The following SGK1 variants were observed in gnomAD, a reference collection of about 807,000 sequenced individuals.
SGK1 encodes the protein serum/glucocorticoid regulated kinase 1.
In SGK1, 26 loss-of-function variants were observed where a neutral mutation model predicts 64.2. That is an observed-to-expected ratio of 0.40 (90% CI 0.30 to 0.56). The LOEUF (loss-of-function observed/expected upper bound fraction) is 0.56, where lower values mean the gene tolerates loss of function less well. SGK1 is among the 20% of genes least tolerant of loss of function. The pLI, the probability that SGK1 is intolerant of heterozygous loss-of-function variation, is 0.38. For synonymous variants in SGK1, 265 were observed against 239.7 expected, an observed-to-expected ratio of 1.11 and a Z score of -0.98; for missense variants, 519 against 645.6, an observed-to-expected ratio of 0.80 and a Z score of 2.12.
intron 2 of SGK1, among the ~76,000 whole-genome samples, chr6:134,237,425 C>T (rs1403864308): frequency 6.6e-6 from 1 of 151,950 alleles, no homozygotes; most frequent in Non-Finnish European, 1.5e-5. Context: ...CCTGTAATCC[C>T]AGCACTTTGG....
At chr6:134,305,540 C>A (rs1378465917) in intron 1 of SGK1, among the ~76,000 whole-genome samples, 1 of 148,890 alleles carries the variant, frequency 6.7e-6, no homozygotes, top group Non-Finnish European at 1.5e-5. Flanking sequence ...ACCACTGCAC[C>A]CAAGTCTGGG....
chr6:134,232,097 A>G (rs1352259402), intron 2 of SGK1, among the ~76,000 whole-genome samples: 2 of 150,840 alleles, frequency 1.3e-5, no homozygotes, highest in Middle Eastern at 3.4e-3. Context: ...AATAAAAGAA[A>G]TCACGATAGA....
At chr6:134,297,484 T>G in intron 1 of SGK1, 1 of 612,596 alleles carries the variant, frequency 1.6e-6, no homozygotes, top group Admixed American at 2.0e-5. Flanking sequence ...AGCCAGCTGA[T>G]GTTCCGGTTC....
intron 1 of SGK1, among the ~76,000 whole-genome samples, chr6:134,293,076 G>A (rs1777290975): frequency 6.6e-6 from 1 of 152,210 alleles, no homozygotes; most frequent in Non-Finnish European, 1.5e-5. Context: ...AAGACACGAA[G>A]AGGGAGAGAA....
intron 2 of SGK1, among the ~76,000 whole-genome samples, chr6:134,248,681 G>A (rs1276546678): frequency 1.3e-5 from 2 of 151,858 alleles, no homozygotes; most frequent in Non-Finnish European, 2.9e-5. Context: ...CAAACTACCT[G>A]CCTCGGCCTT....
intron 3 of SGK1, chr6:134,177,677 T>G: frequency 1.2e-6 from 2 of 1,613,738 alleles, no homozygotes; most frequent in Admixed American, 3.3e-5. Context: ...CAAAGGGGGT[T>G]TTATAGCTTC....
intron 2 of SGK1, among the ~76,000 whole-genome samples, chr6:134,241,144 G>A (rs1404205139): frequency 1.4e-5 from 2 of 147,520 alleles, no homozygotes; most frequent in Non-Finnish European, 2.9e-5. Flanking sequence ...CAGACTCCCT[G>A]GCTCAAGCAA....
intron 2 of SGK1, among the ~76,000 whole-genome samples, chr6:134,232,967 A>C (rs1213478683): frequency 6.6e-6 from 1 of 150,806 alleles, no homozygotes. Context: ...CTATTTCTTC[A>C]ATTTTTAATA....
chr6:134,191,009 ATTAT>A (rs1268140184), intron 3 of SGK1, among the ~76,000 whole-genome samples: 3 of 152,188 alleles, frequency 2.0e-5, no homozygotes, highest in South Asian at 2.1e-4. Context: ...CTGCTTTCTG[ATTAT>A]TTGTCTCACA....
intron 2 of SGK1, chr6:134,215,126 CTTTCTTTCTTTT>C (rs1562253527): frequency 3.2e-6 from 1 of 317,130 alleles, no homozygotes; most frequent in Admixed American, 3.9e-5. Context: ...AGTTTTCTTT[CTTTCTTTCTTTT>C]TTTTTTTTTG....
chr6:134,232,401 AAAAGAAAGAAAGAG>A (rs1776293460), intron 2 of SGK1, among the ~76,000 whole-genome samples: 1 of 21,450 alleles, frequency 4.7e-5, no homozygotes, highest in South Asian at 5.1e-3. Flanking sequence ...AGAAAGAAGA[AAAAGAAAGAAAGAG>A]AAAGAAAGAA....
At chr6:134,250,922 T>A (rs1449092907) in intron 2 of SGK1, among the ~76,000 whole-genome samples, 1 of 152,036 alleles carries the variant, frequency 6.6e-6, no homozygotes, top group Non-Finnish European at 1.5e-5. Flanking sequence ...AGGTGTGCAC[T>A]ACTATACACG....
At chr6:134,266,068 C>G in intron 1 of SGK1, among the ~76,000 whole-genome samples, 1 of 152,058 alleles carries the variant, frequency 6.6e-6, no homozygotes, top group East Asian at 1.9e-4. Flanking sequence ...ACTGCAGCCT[C>G]CTCCTCCCTG....
intron 10 of SGK1, 109 bp downstream of exon 10, chr6:134,172,084 A>T: frequency 8.3e-7 from 1 of 1,208,306 alleles, no homozygotes; most frequent in Non-Finnish European, 1.2e-6. Flanking sequence ...GAACTGTATT[A>T]AGAAGTCTCT....
At chr6:134,171,279 G>A (rs1425726679) in intron 11 of SGK1, 101 bp from the exon 12 acceptor site, 4 of 1,127,416 alleles carry the variant, frequency 3.5e-6, no homozygotes, top group East Asian at 2.4e-5. Context: ...TATTAGGCTC[G>A]ATTTGAGAAA....
At position 134,317,734 on chromosome 6, in the gene SGK1, G is replaced by C; in HGVS notation, c.-274C>G. The C allele has an allele frequency of 2.6e-6, 1 of 383,758 alleles. No individual in the cohort carries two copies. The highest frequency in any genetic ancestry group is 5.2e-5 in the South Asian group (1 of 19,316). The allele number at this position is 383,758 out of a possible 1,614,324, so 23.8% of individuals were successfully genotyped here. ...CGCTGCAGGACCCTGGGGGCCGGAC[G>C]GTGGGATACGGCCAATCTCCGGGGA... is the stretch of plus-strand genomic sequence containing the variant. On this transcript the variant is annotated 5_prime_UTR_variant, in exon 1 of 14. Coordinates refer to ENST00000367858, the MANE Select transcript of SGK1 (RefSeq NM_001143676.3).
intron 2 of SGK1, among the ~76,000 whole-genome samples, chr6:134,241,902 G>A (rs1449884068): frequency 6.6e-6 from 1 of 152,102 alleles, no homozygotes; most frequent in Admixed American, 6.5e-5. Context: ...TTACAGGCAT[G>A]AGCCACCGTG....
chr6:134,247,655 TGGGA>T (rs1776544178), intron 2 of SGK1, among the ~76,000 whole-genome samples: 1 of 152,180 alleles, frequency 6.6e-6, no homozygotes, highest in Non-Finnish European at 1.5e-5. Context: ...CTCGACCGAT[TGGGA>T]AAGCAGGTGC....
intron 1 of SGK1, among the ~76,000 whole-genome samples, chr6:134,315,073 T>G (rs1777658829): frequency 6.6e-6 from 1 of 152,190 alleles, no homozygotes; most frequent in East Asian, 1.9e-4. Flanking sequence ...AGGTGGGATA[T>G]ACCTTATTAT....
Sources: gnomAD v4.1 joint callset for allele counts (sites outside exome capture counted in the v4.1 genomes callset) on GRCh38, gnomAD v4.1.1 for gene constraint, MANE v1.5 for transcripts, NCBI Gene and HGNC (gene_info 2026-07-23, HGNC 2026-07-21) for gene names.